The following WDR44 variants were observed in gnomAD, a reference collection of about 807,000 sequenced individuals.
WDR44 encodes WD repeat-containing protein 44.
In WDR44, 9 loss-of-function variants were observed where a neutral mutation model predicts 65.7. The ratio of observed to expected loss-of-function variants is 0.14; its 90% CI spans 0.08 to 0.24. The LOEUF (loss-of-function observed/expected upper bound fraction) is 0.24, where lower values mean the gene tolerates loss of function less well. WDR44 is among the 10% of genes least tolerant of loss of function. The pLI, the probability that WDR44 is intolerant of heterozygous loss-of-function variation, is 1.00. For synonymous variants in WDR44, 220 were observed against 235.2 expected, an observed-to-expected ratio of 0.94 and a Z score of 0.59; for missense variants, 425 against 670.9, an observed-to-expected ratio of 0.63 and a Z score of 4.05.
intron 2 of WDR44, among the ~76,000 whole-genome samples, chrX:118,382,228 G>GTT (rs145260565): frequency 1.5e-4 from 17 of 110,320 alleles, no homozygotes; most frequent in African/African-American, 3.0e-4. Flanking sequence ...TGCCAAGGTG[G>GTT]TTTTTTTGTT....
chrX:118,383,456 G>A (rs746689015), intron 2 of WDR44, among the ~76,000 whole-genome samples: 9 of 111,081 alleles, frequency 8.1e-5, no homozygotes, highest in African/African-American at 2.3e-4. Flanking sequence ...TCAAAATGAG[G>A]TCCAAAGATT....
At chrX:118,352,603 A>C (rs1313982620) in intron 1 of WDR44, among the ~76,000 whole-genome samples, 1 of 108,890 alleles carries the variant, frequency 9.2e-6, no homozygotes, top group Non-Finnish European at 1.9e-5. Context: ...CTTACTGTCT[A>C]ACCTTTACAT....
chrX:118,434,180 C>T (rs1293543001), intron 13 of WDR44, among the ~76,000 whole-genome samples: 1 of 112,104 alleles, frequency 8.9e-6, no homozygotes, highest in East Asian at 2.8e-4. Flanking sequence ...TATTTCCATT[C>T]TATCTCTTAG....
chrX:118,352,345 TA>T (rs2056418404), intron 1 of WDR44, among the ~76,000 whole-genome samples: 20 of 27,140 alleles, frequency 7.4e-4, no homozygotes, highest in Admixed American at 1.5e-3. Flanking sequence ...TATATATATA[TA>T]TATATATTTT....
chrX:118,403,930 A>G (rs1008115927), intron 8 of WDR44, among the ~76,000 whole-genome samples: 29 of 112,016 alleles, frequency 2.6e-4, no homozygotes, highest in African/African-American at 8.8e-4. Flanking sequence ...CTTTATTGGT[A>G]AAATGTGTTT....
intron 12 of WDR44, among the ~76,000 whole-genome samples, chrX:118,416,718 T>C (rs1316776300): frequency 8.9e-6 from 1 of 111,928 alleles, no homozygotes; most frequent in Non-Finnish European, 1.9e-5. Flanking sequence ...TTCCAAGGTA[T>C]AGTTTAAATT....
chrX:118,369,704 G>T (rs28704924), intron 1 of WDR44, among the ~76,000 whole-genome samples: 1 of 110,250 alleles, frequency 9.1e-6, no homozygotes. Context: ...TCCTGACCTT[G>T]TGATCTGCCC....
At chrX:118,423,202 A>G (rs938964275) in intron 12 of WDR44, among the ~76,000 whole-genome samples, 8 of 110,335 alleles carry the variant, frequency 7.3e-5, no homozygotes, top group African/African-American at 2.6e-4. Context: ...GAGTTTCACT[A>G]TTGTTGCCTA....
chrX:118,380,567 T>G (rs181447689), intron 2 of WDR44, among the ~76,000 whole-genome samples: 100 of 112,161 alleles, frequency 8.9e-4, no homozygotes, highest in Non-Finnish European at 1.5e-3. Context: ...CTGAGTAGTA[T>G]TATATGATAA....
chrX:118,372,370 G>A (rs2056620977), intron 1 of WDR44, among the ~76,000 whole-genome samples: 2 of 111,175 alleles, frequency 1.8e-5, no homozygotes, highest in Non-Finnish European at 3.8e-5. Context: ...AACATGAATA[G>A]TTGTTTTCTT....
intron 2 of WDR44, among the ~76,000 whole-genome samples, chrX:118,383,720 CTT>C (rs531607075): frequency 8.3e-5 from 7 of 84,445 alleles, no homozygotes; most frequent in East Asian, 7.4e-4. Context: ...TCCAAGTATT[CTT>C]TTTTTTTTTT....
chrX:118,353,132 A>T (rs2147659736), intron 1 of WDR44, among the ~76,000 whole-genome samples: 1 of 111,643 alleles, frequency 9.0e-6, no homozygotes, highest in African/African-American at 3.3e-5. Context: ...TTCCCCTCTC[A>T]CTGTTGGATA....
intron 14 of WDR44, among the ~76,000 whole-genome samples, chrX:118,437,680 T>C (rs2057264820): frequency 8.9e-6 from 1 of 112,092 alleles, no homozygotes; most frequent in Non-Finnish European, 1.9e-5. Flanking sequence ...TGACTTGTTT[T>C]CAATATACTT....
chrX:118,398,215 C>T (rs905346747), intron 7 of WDR44, among the ~76,000 whole-genome samples, 172 bp from the exon 8 acceptor site: 19 of 111,406 alleles, frequency 1.7e-4, no homozygotes, highest in Admixed American at 8.6e-4. Context: ...GCAGCTTGGG[C>T]GACAGAGCAA....
chrX:118,379,030 C>T (rs774979955), intron 2 of WDR44, among the ~76,000 whole-genome samples: 5 of 105,816 alleles, frequency 4.7e-5, no homozygotes, highest in African/African-American at 1.8e-4. Flanking sequence ...GGTGACAGAG[C>T]GAGACTCCAC....
At chrX:118,359,814 A>G (rs371379673) in intron 1 of WDR44, among the ~76,000 whole-genome samples, 23 of 112,519 alleles carry the variant, frequency 2.0e-4, no homozygotes, top group African/African-American at 7.4e-4. Flanking sequence ...AGGTAATAAA[A>G]GTAATAATTC....
rs775450903 is a variant in WDR44, at chrX:118,351,048, G to C, written c.77+4468G>C. On this transcript the variant is annotated intron_variant, in intron 1 of 19. Coordinates refer to ENST00000254029, the MANE Select transcript of WDR44 (RefSeq NM_019045.5). ...TAGGTTTCTGGCACTTACCCTATTAGCTGGGCTTTTAAGATGGTTTACTTG... is the reference window on the plus strand; with the variant it reads ...TAGGTTTCTGGCACTTACCCTATTACCTGGGCTTTTAAGATGGTTTACTTG... Among the ~76,000 whole-genome samples, 8 of 112,044 alleles carry C rather than the reference G, an allele frequency of 7.1e-5. No homozygotes were observed. The South Asian group carries it at 2.6e-3, about 36-fold the overall frequency.
chrX:118,417,932 CTT>C (rs987733434), intron 12 of WDR44, among the ~76,000 whole-genome samples: 1 of 111,661 alleles, frequency 9.0e-6, no homozygotes, highest in Admixed American at 9.6e-5. Context: ...AAGACCTTGT[CTT>C]TGAGCTCTGA....
intron 1 of WDR44, among the ~76,000 whole-genome samples, chrX:118,349,560 ATT>A (rs34195317): frequency 2.4e-4 from 22 of 93,188 alleles, no homozygotes; most frequent in Middle Eastern, 6.4e-3. Flanking sequence ...TATGAGGAAC[ATT>A]TTTTTTTTTT....
Sources: gnomAD v4.1 joint callset for allele counts (sites outside exome capture counted in the v4.1 genomes callset) on GRCh38, gnomAD v4.1.1 for gene constraint, MANE v1.5 for transcripts, NCBI Gene and HGNC (gene_info 2026-07-23, HGNC 2026-07-21) for gene names.